The following BBS2 variants were observed in gnomAD, a reference collection of about 807,000 sequenced individuals.
The protein encoded by BBS2 is BBSome complex member BBS2.
Under a neutral mutation model 83.0 loss-of-function variants are expected in BBS2, and 62 were observed. The observed-to-expected ratio is 0.75, with a 90% CI of 0.61 to 0.92. The LOEUF is 0.92. BBS2 is among the 40% of genes least tolerant of loss of function. The pLI, the probability that BBS2 is intolerant of heterozygous loss-of-function variation, is 0.00. For synonymous variants in BBS2, 303 were observed against 326.1 expected, an observed-to-expected ratio of 0.93 and a Z score of 0.76; for missense variants, 784 against 901.0, an observed-to-expected ratio of 0.87 and a Z score of 1.66.
chr16:56,517,889 G>A (rs1368795421), intron 1 of BBS2, among the ~76,000 whole-genome samples: 4 of 150,540 alleles, frequency 2.7e-5, no homozygotes, highest in Non-Finnish European at 5.9e-5. Context: ...GCACGGTCTC[G>A]GCTCCCTGCA....
At chr16:56,485,352 G>C (rs1963746506) in intron 16 of BBS2, among the ~76,000 whole-genome samples, 1 of 151,956 alleles carries the variant, frequency 6.6e-6, no homozygotes, top group South Asian at 2.1e-4. Flanking sequence ...TTTTTCTTTA[G>C]AGGATGCAGG....
chr16:56,503,713 A>G (rs886081086), intron 7 of BBS2, among the ~76,000 whole-genome samples: 29 of 152,188 alleles, frequency 1.9e-4, no homozygotes, highest in African/African-American at 7.0e-4. Flanking sequence ...AGGTCAGGAA[A>G]TCGAGACCAT....
In BBS2 at chr16:56,507,863, G is replaced by A. The variant is rs377223139; in HGVS notation, c.613-1639C>T. Among the ~76,000 whole-genome samples the A allele has an allele frequency of 5.9e-5, 9 of 152,154 alleles. No individual in the cohort carries two copies. In the East Asian group the frequency reaches 1.3e-3, roughly 23 times the overall value. On this transcript the variant is annotated intron_variant, in intron 5 of 16. Transcript: ENST00000245157. ...GGTGCCTGTAATCCCAGCTACTCGG[G>A]AGGCTGAGGCAGGAGAATCACTTGA...
chr16:56,474,925 C>CT, intron 17 of BBS2: 4 of 1,613,856 alleles, frequency 2.5e-6, no homozygotes, highest in Non-Finnish European at 3.4e-6. Flanking sequence ...TTGCCCTAGA[C>CT]TTAATTCTGT....
rs1964152425 is a variant in BBS2, at chr16:56,497,681, A to G, written c.1797+62T>C. On this transcript the variant is annotated intron_variant, in intron 14 of 16. Transcript: ENST00000245157. ...ACATAAGTACATTTGTAGTACCATT[A>G]ATCTCCTCAAATATTATTAGACTAC... The G allele has an allele frequency of 1.1e-5, 18 of 1,593,966 alleles. No individual in the cohort carries two copies. In the Admixed American group the frequency reaches 2.8e-4, roughly 25 times the overall value.
chr16:56,470,908 C>T lies in BBS2; in HGVS notation c.*1-213G>A, dbSNP rs80099550. ...TGTGCCCTAAGCCCTATTTCAGGAA[C>T]TGAAGGACAAAACAGACAAGGTCTC... On this transcript the variant is annotated intron_variant, in intron 17 of 17. Transcript: ENST00000682047. 3,875 of 1,038,668 alleles carry T rather than the reference C, an allele frequency of 3.7e-3. 102 individuals are homozygous for T. The African/African-American group carries it at 0.055, about 15-fold the overall frequency. The allele number at this position is 1,038,668 out of a possible 1,614,324, so 64.3% of individuals were successfully genotyped here. A position where few individuals can be genotyped will look rare whatever the true frequency, so the allele number is the denominator to read the frequency against.
chr16:56,471,100 C>T (rs1963154965), intron 17 of BBS2, among the ~76,000 whole-genome samples: 2 of 151,690 alleles, frequency 1.3e-5, no homozygotes, highest in African/African-American at 2.4e-5. Flanking sequence ...ACCTATAATC[C>T]CAGCACTTTT....
Position 56,498,493 on chromosome 16 carries a change from AAC to A in BBS2, c.1601_1602del (p.Cys534PhefsTer17). 1 of 1,614,116 alleles carries A rather than the reference AAC, an allele frequency of 6.2e-7. No individual in the cohort carries two copies. Among genetic ancestry groups the A allele is most frequent in the Non-Finnish European group, 8.5e-7 (1 of 1,180,004 alleles). ...TGGCCGCCATTCCGTAAAGATGTGA[AAC>A]ACACTTGAAATGGAGCATTCTGAAT... ...THIQNAPFQV[C>X]FTSLRNGGHL... On this transcript the variant is annotated frameshift_variant, in exon 13 of 17. Transcript: ENST00000245157. LOFTEE classifies it high-confidence loss of function.
At chr16:56,506,427 T>TA (rs1454456046) in intron 5 of BBS2, among the ~76,000 whole-genome samples, 1 of 152,202 alleles carries the variant, frequency 6.6e-6, no homozygotes, top group African/African-American at 2.4e-5. Context: ...CAGATTTAAA[T>TA]AAACTCACAG....
chr16:56,473,734 C>T (rs1399923353), intron 17 of BBS2, among the ~76,000 whole-genome samples: 1 of 151,624 alleles, frequency 6.6e-6, no homozygotes, highest in Admixed American at 6.6e-5. Flanking sequence ...CCTGTCATTA[C>T]CTCAGTGTAT....
intron 2 of BBS2, among the ~76,000 whole-genome samples, chr16:56,512,090 A>C (rs1964594075): frequency 6.6e-6 from 1 of 152,218 alleles, no homozygotes; most frequent in Non-Finnish European, 1.5e-5. Context: ...GCACAAGAAA[A>C]GGTGCTCTGC....
At chr16:56,480,242 A>G (rs1398206219), downstream of BBS2, among the ~76,000 whole-genome samples, 30 of 151,612 alleles carry the variant, frequency 2.0e-4, no homozygotes, top group Non-Finnish European at 4.1e-4. Flanking sequence ...TCCAAAAGAA[A>G]GAATCTGTTA....
intron 15 of BBS2, among the ~76,000 whole-genome samples, chr16:56,487,198 A>G (rs1185503418): frequency 1.3e-5 from 2 of 152,204 alleles, no homozygotes; most frequent in African/African-American, 2.4e-5. Flanking sequence ...TTGATTTAAA[A>G]AAAAAAACAA....
Position 56,510,892 on chromosome 16 carries a change from G to C in BBS2, c.501C>G (p.Ala167=), listed in dbSNP as rs1398338388. Residue 167 remains alanine (A), a synonymous_variant, in exon 4 of 17, where the codon GCC becomes GCG. Coordinates refer to ENST00000245157, the MANE Select transcript of BBS2 (RefSeq NM_031885.5). ...TTCCATCACCATCAAAGTCACACAA[G>C]GCCAAGGAATTAACATTGTCTCCAG... ...TVTGDNVNSL[A]LCDFDGDGKK... 3 of 1,613,896 alleles carry C rather than the reference G, an allele frequency of 1.9e-6. No individual in the cohort carries two copies. The highest frequency in any genetic ancestry group is 2.5e-6 in the Non-Finnish European group (3 of 1,180,018).
chr16:56,513,320 A>C (rs78921988), intron 2 of BBS2, among the ~76,000 whole-genome samples: 6,513 of 152,338 alleles, frequency 0.043, 215 homozygotes, highest in East Asian at 0.16. Flanking sequence ...TAAACAAATT[A>C]CATTAACACA....
intron 17 of BBS2, chr16:56,476,288 A>T: frequency 7.7e-7 from 1 of 1,304,010 alleles, no homozygotes; most frequent in Non-Finnish European, 1.1e-6. Context: ...AGTCAAGGAG[A>T]ACTACATGGT....
exon 18 of BBS2, chr16:56,470,445 A>G (rs991360327): frequency 2.6e-6 from 4 of 1,531,710 alleles, no homozygotes; most frequent in Admixed American, 1.9e-5. Context: ...GTCATTTTAC[A>G]TCTGTGGCTT....
Position 56,486,372 on chromosome 16 carries a change from G to GA in BBS2, c.1911-635dup, listed in dbSNP as rs1253779364. Among the ~76,000 whole-genome samples, 5 of 152,246 alleles carry GA rather than the reference G, an allele frequency of 3.3e-5. No homozygotes were observed. The East Asian group carries it at 9.7e-4, about 29-fold the overall frequency. ...TGTAAGGTATTTACCCAAGAGAAAT[G>GA]AAAACCTATGTCTATAAAAAACTTG... is the stretch of plus-strand genomic sequence containing the variant. On this transcript the variant is annotated intron_variant, in intron 15 of 16. Transcript: ENST00000245157.
intron 17 of BBS2, chr16:56,476,659 C>T (rs1322489777): frequency 6.5e-6 from 1 of 153,554 alleles, no homozygotes; most frequent in Non-Finnish European, 1.4e-5. Context: ...AATAACTCCC[C>T]ACCTCCCCTT....
Sources: gnomAD v4.1 joint callset for allele counts (sites outside exome capture counted in the v4.1 genomes callset) on GRCh38, gnomAD v4.1.1 for gene constraint, MANE v1.5 for transcripts, NCBI Gene and HGNC (gene_info 2026-07-23, HGNC 2026-07-21) for gene names.